PLEKHH2: variants seen among roughly 807,000 people sequenced by gnomAD.
PLEKHH2 encodes pleckstrin homology domain-containing family H member 2.
A neutral mutation model predicts 187.9 loss-of-function variants in PLEKHH2; 129 were observed. The observed-to-expected ratio is 0.69, with a 90% CI of 0.59 to 0.79. The LOEUF is 0.79. PLEKHH2 is among the 30% of genes least tolerant of loss of function. The probability of loss-of-function intolerance (pLI) is 0.00; values close to 1 mark genes in which losing one functional copy is unlikely to be tolerated. For missense variants in PLEKHH2, 2,076 were observed against 1,751.2 expected, an observed-to-expected ratio of 1.19 and a Z score of -3.31; for synonymous variants, 686 against 605.6, an observed-to-expected ratio of 1.13 and a Z score of -1.95.
chr2:43,747,247 T>G (rs936824682), intron 24 of PLEKHH2, among the ~76,000 whole-genome samples: 12 of 152,106 alleles, frequency 7.9e-5, no homozygotes, highest in Non-Finnish European at 1.3e-4. Context: ...TACGGGTTAG[T>G]GAGGAAGACT....
rs531502390 is a variant in PLEKHH2, at chr2:43,641,375, T to C, written c.-3-3296T>C. 8.5e-5 allele frequency among the ~76,000 whole-genome samples: 13 copies of C among 152,288 alleles called. 1 individual carries two copies. The South Asian group carries it at 2.7e-3, about 32-fold the overall frequency. On this transcript the variant is annotated intron_variant, in intron 1 of 29. Transcript: ENST00000282406. ...TCATGAAGATTTATACCTCTTTTCT[T>C]CTAAGAGTTTAGAGCAAGCGTGTCC...
At chr2:43,723,282 A>G (rs1310706052) in intron 16 of PLEKHH2, among the ~76,000 whole-genome samples, 2 of 152,210 alleles carry the variant, frequency 1.3e-5, no homozygotes, top group Non-Finnish European at 2.9e-5. Flanking sequence ...TTAAATTCAC[A>G]TTAAGACAGA....
chr2:43,745,496 T>A (rs559491401), intron 23 of PLEKHH2, among the ~76,000 whole-genome samples: 64 of 152,330 alleles, frequency 4.2e-4, no homozygotes, highest in African/African-American at 1.3e-3. Flanking sequence ...TTCTTTGGTA[T>A]AACTTTAGTT....
chr2:43,708,791 T>C (rs1279699451), intron 11 of PLEKHH2, among the ~76,000 whole-genome samples: 1 of 152,208 alleles, frequency 6.6e-6, no homozygotes, highest in Non-Finnish European at 1.5e-5. Context: ...ACAAATCCTT[T>C]AATCTCTGGG....
chr2:43,733,484 G>T (rs1186024190), intron 19 of PLEKHH2, among the ~76,000 whole-genome samples: 1 of 152,036 alleles, frequency 6.6e-6, no homozygotes, highest in Non-Finnish European at 1.5e-5. Flanking sequence ...CCAGGATCTT[G>T]GTACTTCATT....
At chr2:43,683,344 G>C (rs1362414826) in intron 3 of PLEKHH2, among the ~76,000 whole-genome samples, 5 of 151,766 alleles carry the variant, frequency 3.3e-5, no homozygotes, top group African/African-American at 7.3e-5. Context: ...TCTCTATGTT[G>C]GTCGGGCTGG....
At chr2:43,711,413 C>G in intron 14 of PLEKHH2, 1 of 982,392 alleles carries the variant, frequency 1.0e-6, no homozygotes, top group Admixed American at 6.1e-5. Flanking sequence ...TAATTTGAGA[C>G]TGGAACATTC....
chr2:43,730,153 A>G (rs1325693802), intron 18 of PLEKHH2, among the ~76,000 whole-genome samples: 3 of 152,344 alleles, frequency 2.0e-5, no homozygotes, highest in South Asian at 2.1e-4. Context: ...ATTCTTTTAT[A>G]GCAAGCTTGG....
Position 43,710,224 on chromosome 2 carries a change from C to T in PLEKHH2, c.2108C>T (p.Pro703Leu), listed in dbSNP as rs1669888032. The T allele has an allele frequency of 1.2e-6, 2 of 1,613,548 alleles. No homozygotes were observed. Among genetic ancestry groups the T allele is most frequent in the Admixed American group, 3.3e-5 (2 of 59,968 alleles). ...TGTCTATCTTTTAAAAATTAGGAACCACTGGAAAAATCTGGTTATTTATTA... is the reference window on the plus strand; with the variant it reads ...TGTCTATCTTTTAAAAATTAGGAACTACTGGAAAAATCTGGTTATTTATTA... ...SSSSDNGKNE[P>L]LEKSGYLLKM... The change falls in exon 13 of 30, where the codon CCA becomes CTA. Residue 703 changes from proline to leucine, a missense_variant. Pro to Leu is a moderately conservative substitution (Grantham distance 98). Coordinates refer to ENST00000282406, the MANE Select transcript of PLEKHH2 (RefSeq NM_172069.4).
intron 2 of PLEKHH2, among the ~76,000 whole-genome samples, chr2:43,654,616 G>A (rs947376427): frequency 1.4e-5 from 2 of 139,292 alleles, no homozygotes. Flanking sequence ...AGTGGCTCAT[G>A]TCTGTAATCC....
chr2:43,731,391 G>T (rs1558581349), intron 18 of PLEKHH2, 99 bp from the exon 19 acceptor site: 8 of 797,878 alleles, frequency 1.0e-5, no homozygotes, highest in Non-Finnish European at 1.6e-5. Context: ...AAAGTTGTGA[G>T]CCAAGCCTGA....
intron 2 of PLEKHH2, among the ~76,000 whole-genome samples, chr2:43,677,777 G>A (rs1318034525): frequency 6.0e-5 from 9 of 151,126 alleles, no homozygotes; most frequent in African/African-American, 1.9e-4. Flanking sequence ...AGGGGTGGCT[G>A]GGCAGAGGCG....
intron 3 of PLEKHH2, among the ~76,000 whole-genome samples, chr2:43,691,252 G>GT (rs762902135): frequency 5.2e-4 from 79 of 152,336 alleles, no homozygotes; most frequent in Non-Finnish European, 9.6e-4. Context: ...AAGGCAGGAA[G>GT]TTTTATTGAA....
intron 17 of PLEKHH2, among the ~76,000 whole-genome samples, chr2:43,728,751 G>A (rs536461314): frequency 6.6e-6 from 1 of 151,496 alleles, no homozygotes; most frequent in South Asian, 2.1e-4. Flanking sequence ...TAGTAGAGAC[G>A]GCGTTTCACC....
At chr2:43,722,069 T>C (rs1055363490) in intron 16 of PLEKHH2, among the ~76,000 whole-genome samples, 2 of 148,256 alleles carry the variant, frequency 1.3e-5, no homozygotes, top group Non-Finnish European at 3.0e-5. Flanking sequence ...CTAGGCAACA[T>C]AGCAAAACCT....
intron 3 of PLEKHH2, among the ~76,000 whole-genome samples, chr2:43,683,697 T>C (rs976307491): frequency 6.6e-6 from 1 of 152,098 alleles, no homozygotes; most frequent in Non-Finnish European, 1.5e-5. Flanking sequence ...AAAATTTGAC[T>C]TTTCTTTCTC....
intron 4 of PLEKHH2, among the ~76,000 whole-genome samples, chr2:43,693,289 A>G (rs13398908): frequency 6.6e-5 from 10 of 152,146 alleles, no homozygotes; most frequent in Non-Finnish European, 1.0e-4. Context: ...GTATGCCCCT[A>G]AATTGTTTGC....
chr2:43,743,133 G>A (rs896835089), intron 22 of PLEKHH2, among the ~76,000 whole-genome samples: 3 of 152,138 alleles, frequency 2.0e-5, no homozygotes, highest in Non-Finnish European at 4.4e-5. Flanking sequence ...ATAAGGGATG[G>A]GCTTCACTGC....
At chr2:43,666,863 A>T (rs1230785018) in intron 2 of PLEKHH2, among the ~76,000 whole-genome samples, 1 of 152,074 alleles carries the variant, frequency 6.6e-6, no homozygotes, top group East Asian at 1.9e-4. Context: ...CTTTTATCAG[A>T]TGTGTTTTGC....
Sources: allele counts gnomAD v4.1 joint callset (sites outside exome capture counted in the v4.1 genomes callset), GRCh38; gene constraint gnomAD v4.1.1; transcripts MANE v1.5; gene names NCBI Gene and HGNC (gene_info 2026-07-23, HGNC 2026-07-21).